Variants in PDE1A observed in about 807,000 individuals in gnomAD.
PDE1A encodes phosphodiesterase 1A.
A neutral mutation model predicts 61.7 loss-of-function variants in PDE1A; 35 were observed. That is an observed-to-expected ratio of 0.57 (90% CI 0.43 to 0.75). PDE1A has a LOEUF of 0.75. Among genes scored for constraint, PDE1A ranks in the 30% least tolerant of loss-of-function variants. The pLI is 0.00. For missense variants in PDE1A, 597 were observed against 630.6 expected, an observed-to-expected ratio of 0.95 and a Z score of 0.57; for synonymous variants, 232 against 213.2, an observed-to-expected ratio of 1.09 and a Z score of -0.77.
chr2:182,284,565 A>G (rs1344717457), intron 1 of PDE1A, among the ~76,000 whole-genome samples: 4 of 152,132 alleles, frequency 2.6e-5, no homozygotes, highest in African/African-American at 9.7e-5. Context: ...TAATTATCAG[A>G]TACACAACAA....
At chr2:182,385,674 GAAAA>G (rs977213891) in intron 1 of PDE1A, among the ~76,000 whole-genome samples, 1 of 115,290 alleles carries the variant, frequency 8.7e-6, no homozygotes, top group Non-Finnish European at 1.8e-5. Flanking sequence ...AAAAAAGAAA[GAAAA>G]GAAAGAAAGA....
At chr2:182,338,963 T>C (rs961911639) in intron 1 of PDE1A, among the ~76,000 whole-genome samples, 3 of 152,212 alleles carry the variant, frequency 2.0e-5, no homozygotes, top group African/African-American at 7.2e-5. Context: ...CTTGAAACTC[T>C]TAGCCTTATT....
intron 7 of PDE1A, among the ~76,000 whole-genome samples, chr2:182,219,568 G>T (rs1035714917): frequency 3.3e-5 from 5 of 152,018 alleles, no homozygotes; most frequent in African/African-American, 9.7e-5. Context: ...AAAACTTGTA[G>T]CAAGTTTGCT....
chr2:182,283,397 C>A (rs944774845), intron 1 of PDE1A, among the ~76,000 whole-genome samples: 2 of 150,712 alleles, frequency 1.3e-5, no homozygotes, highest in Non-Finnish European at 3.0e-5. Flanking sequence ...ATAAAGGGTA[C>A]CTGAGTTACA....
the PDE1A span, among the ~76,000 whole-genome samples, chr2:182,657,558 C>T: frequency 6.6e-6 from 1 of 152,160 alleles, no homozygotes; most frequent in Non-Finnish European, 1.5e-5. Flanking sequence ...CCATGCCCAT[C>T]TTTTCATCAT....
At chr2:182,584,699 G>A in the PDE1A span, among the ~76,000 whole-genome samples, 5 of 152,182 alleles carry the variant, frequency 3.3e-5, no homozygotes, top group Non-Finnish European at 7.3e-5. Flanking sequence ...CCCTCCTAGG[G>A]TGATGGGAGT....
intron 1 of PDE1A, among the ~76,000 whole-genome samples, chr2:182,325,073 G>A (rs1456704843): frequency 6.6e-6 from 1 of 151,982 alleles, no homozygotes; most frequent in Non-Finnish European, 1.5e-5. Flanking sequence ...CACACATCAG[G>A]GCTAAAATCC....
intron 11 of PDE1A, among the ~76,000 whole-genome samples, 187 bp downstream of exon 11, chr2:182,188,792 A>AATTC (rs1454272490): frequency 6.6e-6 from 1 of 152,224 alleles, no homozygotes; most frequent in African/African-American, 2.4e-5. Flanking sequence ...TGCTTTATTG[A>AATTC]ATTCATTTTG....
chr2:182,587,360 C>T, the PDE1A span, among the ~76,000 whole-genome samples: 1 of 152,174 alleles, frequency 6.6e-6, no homozygotes, highest in African/African-American at 2.4e-5. Context: ...CAGCCTAGAA[C>T]TTCTCCAACA....
chr2:182,701,929 A>C, the PDE1A span, among the ~76,000 whole-genome samples: 15 of 152,362 alleles, frequency 9.8e-5, no homozygotes, highest in East Asian at 2.9e-3. Context: ...ACTCATTTAA[A>C]GAATACAAAT....
At chr2:182,191,852 T>TG (rs1351102605) in intron 10 of PDE1A, among the ~76,000 whole-genome samples, 1 of 151,086 alleles carries the variant, frequency 6.6e-6, no homozygotes, top group East Asian at 1.9e-4. Flanking sequence ...CTTTCTTTTT[T>TG]TTTTTATTTT....
intron 2 of PDE1A, among the ~76,000 whole-genome samples, chr2:182,512,821 T>C (rs529452065): frequency 2.7e-4 from 41 of 152,326 alleles, no homozygotes; most frequent in African/African-American, 9.1e-4. Flanking sequence ...CAAGTATTAA[T>C]AGCAGAATAG....
chr2:182,190,886 G>A (rs1685628319), intron 10 of PDE1A, among the ~76,000 whole-genome samples: 1 of 151,992 alleles, frequency 6.6e-6, no homozygotes, highest in Admixed American at 6.6e-5. Flanking sequence ...AACCCAAGAG[G>A]TAGAGGTTGC....
intron 2 of PDE1A, among the ~76,000 whole-genome samples, chr2:182,435,170 A>T (rs1684315746): frequency 6.6e-6 from 1 of 152,074 alleles, no homozygotes; most frequent in Non-Finnish European, 1.5e-5. Flanking sequence ...ACAACAATAG[A>T]AATAATTTAA....
chr2:182,406,972 T>C (rs1702333562), intron 1 of PDE1A, among the ~76,000 whole-genome samples: 1 of 152,204 alleles, frequency 6.6e-6, no homozygotes. Flanking sequence ...AAATTGATCT[T>C]CTTTAAATAT....
intron 2 of PDE1A, among the ~76,000 whole-genome samples, chr2:182,498,609 T>TATTTCCAGACTGAAAGGCAC (rs1559516345): frequency 1.3e-5 from 2 of 151,906 alleles, no homozygotes; most frequent in East Asian, 3.9e-4. Flanking sequence ...CTGAAAGGCA[T>TATTTCCAGACTGAAAGGCAC]GTATTTCCAG....
chr2:182,214,199 C>T (rs935333892), intron 7 of PDE1A, among the ~76,000 whole-genome samples: 1 of 151,560 alleles, frequency 6.6e-6, no homozygotes, highest in Non-Finnish European at 1.5e-5. Flanking sequence ...AAATACTTTA[C>T]AGACAAGCAA....
intron 2 of PDE1A, among the ~76,000 whole-genome samples, chr2:182,515,334 G>C (rs1433665623): frequency 6.6e-6 from 1 of 152,174 alleles, no homozygotes; most frequent in Non-Finnish European, 1.5e-5. Flanking sequence ...TATACAATCA[G>C]AGTATATTTA....
At chr2:182,161,648 A>G (rs570664850) in intron 13 of PDE1A, among the ~76,000 whole-genome samples, 7 of 152,114 alleles carry the variant, frequency 4.6e-5, no homozygotes, top group Admixed American at 6.6e-5. Context: ...ACCTGTAACT[A>G]GACTGAAATC....
Sources: allele counts gnomAD v4.1 joint callset (sites outside exome capture counted in the v4.1 genomes callset), GRCh38; gene constraint gnomAD v4.1.1; transcripts MANE v1.5; gene names NCBI Gene and HGNC (gene_info 2026-07-23, HGNC 2026-07-21).